TRIM32: variants seen among roughly 807,000 people sequenced by gnomAD.
TRIM32 encodes tripartite motif containing 32.
Under a neutral mutation model 36.0 loss-of-function variants are expected in TRIM32, and 19 were observed. The ratio of observed to expected loss-of-function variants is 0.53; its 90% confidence interval spans 0.37 to 0.77. TRIM32 has a LOEUF of 0.77. TRIM32 is among the 30% of genes least tolerant of loss of function. TRIM32 has a pLI of 0.00. For missense variants in TRIM32, 747 were observed against 845.2 expected, an observed-to-expected ratio of 0.88 and a Z score of 1.44; for synonymous variants, 309 against 318.5, an observed-to-expected ratio of 0.97 and a Z score of 0.32.
rs1414191285 is a variant in TRIM32, at chr9:116,692,333, T to C, written c.-82+4952T>C. On this transcript the variant is annotated intron_variant, in intron 1 of 1. Transcript: ENST00000450136. The stretch of plus-strand genomic sequence containing the variant: ...ATCTGGGGCCTTGGGTACAGTCTGC[T>C]GAAAAGTGCCTATTCATTTCTTCTA... 5.9e-5 allele frequency among the ~76,000 whole-genome samples: 9 copies of C among 152,228 alleles called. No homozygotes were observed. In the East Asian group the frequency reaches 1.2e-3, roughly 20 times the overall value.
intron 1 of TRIM32, chr9:116,697,237 T>G (rs182399889): frequency 6.2e-6 from 1 of 161,160 alleles, no homozygotes; most frequent in Admixed American, 5.7e-5. Context: ...AATATGAAAA[T>G]AATCATTAGC....
chr9:116,692,342 C>T (rs1427738290), intron 1 of TRIM32, among the ~76,000 whole-genome samples: 1 of 152,064 alleles, frequency 6.6e-6, no homozygotes, highest in African/African-American at 2.4e-5. Context: ...CTGAAAAGTG[C>T]CTATTCATTT....
At chr9:116,695,434 A>G (rs803933) in intron 1 of TRIM32, among the ~76,000 whole-genome samples, 16,171 of 152,272 alleles carry the variant, frequency 0.11, 932 homozygotes, top group East Asian at 0.15. Flanking sequence ...CTGCTGCTAT[A>G]TATTTGTCAG....
In TRIM32 at chr9:116,687,401, G is replaced by T; in HGVS notation, c.-82+20G>T. 4.8e-6 allele frequency: 1 copy of T among 210,446 alleles called. No individual in the cohort carries two copies. Among genetic ancestry groups the T allele is most frequent in the Non-Finnish European group, 8.2e-6 (1 of 122,410 alleles). 13.0% of individuals were successfully genotyped at this position (210,446 alleles called of 1,614,324 possible). A position where few individuals can be genotyped will look rare whatever the true frequency, so the allele number is the denominator to read the frequency against. On this transcript the variant is annotated intron_variant, in intron 1 of 1. Coordinates refer to ENST00000450136, the MANE Select transcript of TRIM32 (RefSeq NM_012210.4). ...GGTCAGGTAGGGGGCGGGAAGGAGG[G>T]TTGGGGACTGGGGACCGCGGCCGGA...
Position 116,699,543 on chromosome 9 carries a change from C to CATT in TRIM32, c.1802_1804dup (p.His601_Phe602insTyr). 1 of 1,614,164 alleles carries CATT rather than the reference C, an allele frequency of 6.2e-7. No individual in the cohort carries two copies. The highest frequency in any genetic ancestry group is 8.5e-7 in the Non-Finnish European group (1 of 1,180,030). On this transcript the variant is annotated inframe_insertion, in exon 2 of 2. Coordinates refer to ENST00000450136, the MANE Select transcript of TRIM32 (RefSeq NM_012210.4). This position sits in a 1 kb window ranked among gnomAD's most constrained non-coding sequence, Gnocchi z 4.2. ...TGACAGTAGTCGCAAGGAAATTCTC[C>CATT]ATTTTCCTAAGGGTGGGGGCTATAG...
chr9:116,701,071 G>A lies in TRIM32; in HGVS notation c.*1367G>A, dbSNP rs1372504835. 6.0e-6 allele frequency: 1 copy of A among 167,116 alleles called. No individual in the cohort carries two copies. The highest frequency in any genetic ancestry group is 2.4e-5 in the African/African-American group (1 of 41,446). 10.4% of individuals were successfully genotyped at this position (167,116 alleles called of 1,614,324 possible). The stretch of plus-strand genomic sequence containing the variant: ...TGTTTTTAAGATCAGAAGTGGGTGA[G>A]AGGACCTGTGATGAGGTTCCTGAGG... On this transcript the variant is annotated 3_prime_UTR_variant, in exon 2 of 2. Coordinates refer to ENST00000450136, the MANE Select transcript of TRIM32 (RefSeq NM_012210.4).
chr9:116,693,796 G>A (rs1328256943), intron 1 of TRIM32, among the ~76,000 whole-genome samples: 1 of 152,178 alleles, frequency 6.6e-6, no homozygotes, highest in Non-Finnish European at 1.5e-5. Flanking sequence ...CCTTTTATTT[G>A]TGTAGTCTTT....
intron 1 of TRIM32, among the ~76,000 whole-genome samples, chr9:116,694,209 A>G (rs1860717224): frequency 6.6e-6 from 1 of 152,106 alleles, no homozygotes; most frequent in Non-Finnish European, 1.5e-5. Flanking sequence ...CAATTGAAGG[A>G]GGGATATGAT....
chr9:116,693,930 A>C (rs983325418), intron 1 of TRIM32, among the ~76,000 whole-genome samples: 3 of 152,204 alleles, frequency 2.0e-5, no homozygotes, highest in Admixed American at 6.5e-5. Context: ...ATTTCAGGCT[A>C]AGATCCTTCA....
chr9:116,698,588 G>A lies in TRIM32; in HGVS notation c.846G>A (p.Lys282=), dbSNP rs375537493. 7 of 1,613,974 alleles carry A rather than the reference G, an allele frequency of 4.3e-6. No individual in the cohort carries two copies. Among genetic ancestry groups the A allele is most frequent in the Admixed American group, 1.7e-5 (1 of 59,996 alleles). ...ELTLQDVELL[K]VGHVGPLQIG... ...CCCTGCAAGATGTGGAGCTCCTTAA[G>A]GTAGGTCATGTTGGCCCCCTCCAAA... The change falls in exon 2 of 2, where the codon AAG becomes AAA. Residue 282 remains lysine (K), a synonymous_variant. Transcript: ENST00000450136. The surrounding 1 kb of genome is among the most constrained non-coding windows in gnomAD (Gnocchi z 4.4).
chr9:116,699,418 G>C lies in TRIM32; in HGVS notation c.1676G>C (p.Gly559Ala). 6.2e-7 allele frequency: 1 copy of C among 1,614,164 alleles called. No homozygotes were observed. The highest frequency in any genetic ancestry group is 8.5e-7 in the Non-Finnish European group (1 of 1,180,028). ...TCCATTGGCTCTGTAGGCCCTGATG[G>C]GCAGCTGGGTCGCCAGATTAGCCAC... is the stretch of plus-strand genomic sequence containing the variant. ...GFSIGSVGPD[G>A]QLGRQISHFF... Residue 559 changes from glycine to alanine, a missense_variant, in exon 2 of 2, where the codon GGG (glycine) becomes GCG (alanine). Gly to Ala is a moderately conservative substitution (Grantham distance 60). Transcript: ENST00000450136. The surrounding 1 kb of genome is among the most constrained non-coding windows in gnomAD (Gnocchi z 4.2).
intron 1 of TRIM32, among the ~76,000 whole-genome samples, chr9:116,693,769 G>A (rs1400453766): frequency 6.6e-6 from 1 of 152,160 alleles, no homozygotes; most frequent in Non-Finnish European, 1.5e-5. Context: ...TTAAAGATTT[G>A]GAATGATAAG....
At position 116,698,846 on chromosome 9, in the gene TRIM32, A is replaced by C; in HGVS notation, c.1104A>C (p.Pro368=). The C allele has an allele frequency of 1.2e-6, 2 of 1,614,228 alleles. No homozygotes were observed. Among genetic ancestry groups the C allele is most frequent in the Non-Finnish European group, 1.7e-6 (2 of 1,180,042 alleles). The part of the protein sequence containing the change: ...LKKMGAKGST[P]GMFNLPVSLY... ...AGATGGGGGCCAAAGGCAGCACTCC[A>C]GGAATGTTCAATCTTCCAGTCAGTC... Residue 368 remains proline (P), a synonymous_variant, in exon 2 of 2, where the codon CCA becomes CCC. Transcript: ENST00000450136. The surrounding 1 kb of genome is among the most constrained non-coding windows in gnomAD (Gnocchi z 4.4).
intron 1 of TRIM32, among the ~76,000 whole-genome samples, chr9:116,688,980 T>C (rs1243172150): frequency 1.3e-5 from 2 of 152,140 alleles, no homozygotes; most frequent in African/African-American, 4.8e-5. Flanking sequence ...TAGGAGACAT[T>C]AGGCAATGTC....
Position 116,698,009 on chromosome 9 carries a change from T to C in TRIM32, c.267T>C (p.Ala89=). The C allele has an allele frequency of 6.2e-7, 1 of 1,614,078 alleles. No homozygotes were observed. Residue 89 remains alanine (A), a synonymous_variant, in exon 2 of 2, where the codon GCT becomes GCC. Transcript: ENST00000450136. The surrounding 1 kb of genome is among the most constrained non-coding windows in gnomAD (Gnocchi z 4.4). The stretch of plus-strand genomic sequence containing the variant: ...CAGTGCTAAAGATCATTGATACAGC[T>C]GGGCTCAGCGAGGCTGTGGGGCTGC... The part of the protein sequence containing the change: ...NLTVLKIIDT[A]GLSEAVGLLM...
In TRIM32 at chr9:116,697,782, C is replaced by A; in HGVS notation, c.40C>A (p.Leu14Ile). ...AGCTTCTCACCTGAACCTGGATGCC[C>A]TCCGGGAAGTGCTAGAATGCCCCAT... ...AAASHLNLDA[L>I]REVLECPICM... The change falls in exon 2 of 2, where the codon CTC becomes ATC. Residue 14 changes from leucine (L) to isoleucine (I), a missense_variant. Physicochemically the swap from Leu to Ile is conservative, Grantham distance 5. Transcript: ENST00000450136. 1 of 1,614,116 alleles carries A rather than the reference C, an allele frequency of 6.2e-7. No homozygotes were observed. Among genetic ancestry groups the A allele is most frequent in the South Asian group, 1.1e-5 (1 of 91,082 alleles).
At position 116,698,809 on chromosome 9, in the gene TRIM32, T is replaced by C. The variant is rs1210461263; in HGVS notation, c.1067T>C (p.Leu356Pro). The change falls in exon 2 of 2, where the codon CTC (leucine) becomes CCC (proline). Residue 356 changes from leucine (L) to proline (P), a missense_variant. Coordinates refer to ENST00000450136, the MANE Select transcript of TRIM32 (RefSeq NM_012210.4). This position sits in a 1 kb window ranked among gnomAD's most constrained non-coding sequence, Gnocchi z 4.4. Reference protein sequence around the residue: ...PEAASNIQQCLFLKKMGAKGS... With the variant: ...PEAASNIQQCPFLKKMGAKGS... The stretch of plus-strand genomic sequence containing the variant: ...GCAGCCTCCAATATCCAGCAGTGCC[T>C]CTTTCTCAAGAAGATGGGGGCCAAA... The C allele has an allele frequency of 1.2e-6, 2 of 1,614,070 alleles. No individual in the cohort carries two copies. The highest frequency in any genetic ancestry group is 1.7e-6 in the Non-Finnish European group (2 of 1,180,050).
intron 1 of TRIM32, among the ~76,000 whole-genome samples, chr9:116,692,226 G>T (rs950893158): frequency 2.0e-5 from 3 of 152,166 alleles, no homozygotes; most frequent in Admixed American, 1.3e-4. Context: ...TGAAACCTTA[G>T]ATCATCTCTA....
Position 116,698,941 on chromosome 9 carries a change from G to C in TRIM32, c.1199G>C (p.Arg400Pro). The C allele has an allele frequency of 2.5e-6, 4 of 1,614,160 alleles. No homozygotes were observed. Among genetic ancestry groups the C allele is most frequent in the Non-Finnish European group, 3.4e-6 (4 of 1,180,030 alleles). The change falls in exon 2 of 2, where the codon CGC (arginine) becomes CCC (proline). Residue 400 changes from arginine (R) to proline (P), a missense_variant. Transcript: ENST00000450136. The surrounding 1 kb of genome is among the most constrained non-coding windows in gnomAD (Gnocchi z 4.4). ...RGNYRIQVFT[R>P]KGFLKEIRRS... ...AACTATCGTATACAAGTCTTTACCC[G>C]CAAAGGCTTTTTGAAGGAAATCCGC...
Sources: gnomAD v4.1 joint callset for allele counts (sites outside exome capture counted in the v4.1 genomes callset) on GRCh38, gnomAD v4.1.1 for gene constraint, Gnocchi (gnomAD v3.1) non-coding constraint, MANE v1.5 for transcripts, NCBI Gene and HGNC (gene_info 2026-07-23, HGNC 2026-07-21) for gene names.